AAK1: variants seen among roughly 807,000 people sequenced by gnomAD.
AAK1 encodes AP2-associated protein kinase 1.
In AAK1, 37 loss-of-function variants were observed where a neutral mutation model predicts 116.0. The ratio of observed to expected loss-of-function variants is 0.32; its 90% CI spans 0.25 to 0.42. The LOEUF is 0.42. Ranked by LOEUF, AAK1 falls within the 10% of genes least tolerant of loss-of-function variation. The probability of loss-of-function intolerance (pLI) is 1.00; values close to 1 mark genes in which losing one functional copy is unlikely to be tolerated. For missense variants in AAK1, 919 were observed against 1,170.6 expected (o/e 0.79, Z 3.14); for synonymous variants, 458 against 439.9 (o/e 1.04, Z -0.51).
At chr2:69,606,871 G>C (rs1673819386) in intron 2 of AAK1, among the ~76,000 whole-genome samples, 1 of 152,112 alleles carries the variant, frequency 6.6e-6, no homozygotes, top group Non-Finnish European at 1.5e-5. Flanking sequence ...TTCAAGACCA[G>C]CCTGGGCAAC....
At chr2:69,562,923 G>A (rs1363829427) in intron 2 of AAK1, among the ~76,000 whole-genome samples, 1 of 151,908 alleles carries the variant, frequency 6.6e-6, no homozygotes. Flanking sequence ...AAATTAGCCA[G>A]GTGCACTGGT....
intron 3 of AAK1, among the ~76,000 whole-genome samples, chr2:69,549,396 T>A (rs1220588445): frequency 6.6e-6 from 1 of 152,054 alleles, no homozygotes; most frequent in Non-Finnish European, 1.5e-5. Flanking sequence ...AAGTAAAATA[T>A]AATAAACAGG....
chr2:69,587,454 T>C (rs1489709202), intron 2 of AAK1, among the ~76,000 whole-genome samples: 1 of 145,532 alleles, frequency 6.9e-6, no homozygotes, highest in Non-Finnish European at 1.5e-5. Flanking sequence ...TATGTATATA[T>C]GTGTGTGTAT....
intron 2 of AAK1, among the ~76,000 whole-genome samples, chr2:69,560,184 G>A (rs1479784289): frequency 2.0e-5 from 3 of 152,192 alleles, no homozygotes; most frequent in African/African-American, 7.2e-5. Context: ...AAAGATGTTG[G>A]TCACTATCAC....
At chr2:69,518,633 G>T (rs901579956) in intron 12 of AAK1, among the ~76,000 whole-genome samples, 1 of 151,936 alleles carries the variant, frequency 6.6e-6, no homozygotes, top group African/African-American at 2.4e-5. Context: ...TGGCCAGGAT[G>T]GTCTCGATCT....
intron 2 of AAK1, among the ~76,000 whole-genome samples, chr2:69,591,897 CA>C (rs1673051751): frequency 6.6e-6 from 1 of 152,138 alleles, no homozygotes; most frequent in African/African-American, 2.4e-5. Context: ...ACAAAGACCA[CA>C]GCCAGTTTAA....
In AAK1 at chr2:69,639,757, G is replaced by A. The variant is rs1318959148; in HGVS notation, c.163+3121C>T. Among the ~76,000 whole-genome samples, 4 of 152,072 alleles carry A rather than the reference G, an allele frequency of 2.6e-5. No individual in the cohort carries two copies. The East Asian group carries it at 5.8e-4, about 22-fold the overall frequency. On this transcript the variant is annotated intron_variant, in intron 2 of 21. Coordinates refer to ENST00000409085, the MANE Select transcript of AAK1 (RefSeq NM_014911.5). ...CTCCTCCCTAAACTGCCTAGCCACC[G>A]CTCTGGGCACACAGGGTACAACTCC...
chr2:69,492,615 C>T (rs892564028), intron 17 of AAK1, among the ~76,000 whole-genome samples: 9 of 150,790 alleles, frequency 6.0e-5, no homozygotes, highest in African/African-American at 9.8e-5. Flanking sequence ...CTCCACCTCC[C>T]GGGTTCAAGC....
At chr2:69,495,523 G>A (rs1221335684) in intron 17 of AAK1, among the ~76,000 whole-genome samples, 1 of 152,098 alleles carries the variant, frequency 6.6e-6, no homozygotes, top group Non-Finnish European at 1.5e-5. Context: ...TTATCATTAT[G>A]TGTTTTTATA....
chr2:69,546,613 G>A (rs1670934847), intron 3 of AAK1, among the ~76,000 whole-genome samples: 1 of 152,164 alleles, frequency 6.6e-6, no homozygotes, highest in South Asian at 2.1e-4. Flanking sequence ...ATCCTAAGAG[G>A]AATAATAAAG....
At position 69,469,260 on chromosome 2, in the gene AAK1, G is replaced by A. The variant is rs1674596280; in HGVS notation, c.*6609C>T. On this transcript the variant is annotated 3_prime_UTR_variant, in exon 22 of 22. Transcript: ENST00000409085. ...AGAAATGCCAGAGAATATGGGGGAA[G>A]CCCAGACCTCCACATTCCCTTAAGG... The A allele has an allele frequency of 2.0e-6, 2 of 985,324 alleles. No homozygotes were observed. Among genetic ancestry groups the A allele is most frequent in the Non-Finnish European group, 1.2e-6 (1 of 829,962 alleles). The allele number at this position is 985,324 out of a possible 1,614,324, so 61.0% of individuals were successfully genotyped here.
chr2:69,583,809 T>C (rs1437929634), intron 2 of AAK1, among the ~76,000 whole-genome samples: 1 of 152,072 alleles, frequency 6.6e-6, no homozygotes, highest in East Asian at 1.9e-4. Flanking sequence ...CTAAGTTGAC[T>C]TCGTTCCACT....
rs115501684 is a variant in AAK1, at chr2:69,591,275, G to A, written c.164-34297C>T. Among the ~76,000 whole-genome samples the A allele has an allele frequency of 4.9e-3, 740 of 152,242 alleles. 6 individuals are homozygous for A. The highest frequency in any genetic ancestry group is 0.017 in the African/African-American group (715 of 41,548). On this transcript the variant is annotated intron_variant, in intron 2 of 21. Coordinates refer to ENST00000409085, the MANE Select transcript of AAK1 (RefSeq NM_014911.5). ...CAGCACCCAGGCTCTACAGGAGCAT[G>A]AAATAACTGGTGATCAATCAAAACC...
At chr2:69,482,485 G>T in intron 18 of AAK1, 1 of 636,872 alleles carries the variant, frequency 1.6e-6, no homozygotes, top group Non-Finnish European at 2.9e-6. Flanking sequence ...ATTCATAAGA[G>T]ATCCACTCTA....
In AAK1 at chr2:69,530,160, G is replaced by C. The variant is rs746539711; in HGVS notation, c.739-20C>G. 1.9e-6 allele frequency: 3 copies of C among 1,596,570 alleles called. No homozygotes were observed. The highest frequency in any genetic ancestry group is 2.6e-6 in the Non-Finnish European group (3 of 1,173,520). The stretch of plus-strand genomic sequence containing the variant: ...AAGAGCCTAAAAAATAAAGATAGCA[G>C]ATTGCTACTAGTGGCTTATTTATCA... On this transcript the variant is annotated intron_variant, in intron 7 of 21. Coordinates refer to ENST00000409085, the MANE Select transcript of AAK1 (RefSeq NM_014911.5).
chr2:69,592,697 C>A (rs1673084792), intron 2 of AAK1, among the ~76,000 whole-genome samples: 1 of 152,156 alleles, frequency 6.6e-6, no homozygotes, highest in Admixed American at 6.5e-5. Context: ...AAATGTTACA[C>A]AAAATTCAAT....
rs993709931 is a variant in AAK1 at position 69,468,334 on chromosome 2, G to T, written c.*7535C>A. 1.0e-6 allele frequency: 1 copy of T among 985,270 alleles called. No homozygotes were observed. Among genetic ancestry groups the T allele is most frequent in the African/African-American group, 1.7e-5 (1 of 57,302 alleles). The allele number at this position is 985,270 out of a possible 1,614,324, so 61.0% of individuals were successfully genotyped here. Reference sequence around the variant, plus strand: ...TTCTGGGAGGAAATTCAAATAAAAGGGAGAAAAATAAGTTTTCCAAAATAA... The same window carrying T: ...TTCTGGGAGGAAATTCAAATAAAAGTGAGAAAAATAAGTTTTCCAAAATAA... On this transcript the variant is annotated 3_prime_UTR_variant, in exon 22 of 22. Transcript: ENST00000409085.
chr2:69,504,677 G>T (rs181618018), intron 16 of AAK1, among the ~76,000 whole-genome samples: 62 of 152,074 alleles, frequency 4.1e-4, no homozygotes, highest in African/African-American at 1.4e-3. Context: ...TGAGGCGGGA[G>T]AATCACTTGA....
chr2:69,492,600 G>A (rs1675571749), intron 17 of AAK1, among the ~76,000 whole-genome samples: 2 of 141,528 alleles, frequency 1.4e-5, no homozygotes, highest in South Asian at 4.4e-4. Context: ...TCAGCTCACT[G>A]GAAACTCCAC....
Sources: allele counts gnomAD v4.1 joint callset (sites outside exome capture counted in the v4.1 genomes callset), GRCh38; gene constraint gnomAD v4.1.1; transcripts MANE v1.5; gene names NCBI Gene and HGNC (gene_info 2026-07-23, HGNC 2026-07-21).